CSMD2: variants seen among roughly 807,000 people sequenced by gnomAD.
The protein encoded by CSMD2 is CUB and Sushi multiple domains 2, also known as CUB and sushi domain-containing protein 2.
CSMD2 carries 130 observed loss-of-function variants against 398.5 expected under a neutral mutation model. That is an observed-to-expected ratio of 0.33 (90% confidence interval 0.28 to 0.38). The LOEUF (loss-of-function observed/expected upper bound fraction) is 0.38. CSMD2 is among the 10% of genes least tolerant of loss of function. CSMD2 has a pLI of 1.00. For synonymous variants in CSMD2, 1,828 were observed against 1,908.5 expected (o/e 0.96, Z 1.10); for missense variants, 3,829 against 4,764.9 (o/e 0.80, Z 5.78).
chr1:33,676,217 C>T (rs12402162), intron 25 of CSMD2, among the ~76,000 whole-genome samples: 19 of 152,342 alleles, frequency 1.2e-4, no homozygotes, highest in Admixed American at 2.6e-4. Flanking sequence ...ACCCCATCAT[C>T]TCAGCCCAAA....
chr1:33,901,657 T>C (rs1463788407), intron 5 of CSMD2, among the ~76,000 whole-genome samples: 2 of 152,204 alleles, frequency 1.3e-5, no homozygotes, highest in Non-Finnish European at 2.9e-5. Flanking sequence ...GGCTAAACTT[T>C]AGCAGCTCCT....
At chr1:33,969,142 C>A (rs1393198556) in intron 3 of CSMD2, among the ~76,000 whole-genome samples, 1 of 152,178 alleles carries the variant, frequency 6.6e-6, no homozygotes, top group African/African-American at 2.4e-5. Flanking sequence ...AAACAAGGAC[C>A]AAATCCTGGG....
At chr1:33,592,071 A>G in intron 44 of CSMD2, 1 of 346,896 alleles carries the variant, frequency 2.9e-6, no homozygotes, top group Non-Finnish European at 5.5e-6. Flanking sequence ...TTGGATGTAA[A>G]TAAATCAATT....
intron 6 of CSMD2, among the ~76,000 whole-genome samples, chr1:33,827,444 C>T (rs948734849): frequency 7.9e-5 from 12 of 152,296 alleles, no homozygotes; most frequent in African/African-American, 1.2e-4. Context: ...GGTATCTCTA[C>T]GACTTGCTCC....
chr1:33,963,195 T>G (rs577118876), intron 3 of CSMD2, among the ~76,000 whole-genome samples: 2 of 152,286 alleles, frequency 1.3e-5, no homozygotes, highest in South Asian at 4.1e-4. Context: ...CCTCACCTAA[T>G]CTGAATACCT....
At chr1:33,800,614 G>T (rs1018670132) in intron 10 of CSMD2, among the ~76,000 whole-genome samples, 2 of 152,122 alleles carry the variant, frequency 1.3e-5, no homozygotes, top group Admixed American at 1.3e-4. Context: ...AAGACCCTGA[G>T]TACATAGACT....
intron 5 of CSMD2, among the ~76,000 whole-genome samples, chr1:33,908,141 G>A (rs1425249868): frequency 6.6e-6 from 1 of 151,658 alleles, no homozygotes; most frequent in Non-Finnish European, 1.5e-5. Context: ...CAGACTAAGG[G>A]ATAGAACTGA....
intron 1 of CSMD2, among the ~76,000 whole-genome samples, chr1:34,129,365 T>A (rs1292451097): frequency 1.3e-5 from 2 of 152,172 alleles, no homozygotes; most frequent in Non-Finnish European, 1.5e-5. Context: ...AAAGAGCCCA[T>A]GATAGGCTGG....
chr1:34,079,593 G>T (rs144617142), intron 2 of CSMD2, among the ~76,000 whole-genome samples: 37 of 152,208 alleles, frequency 2.4e-4, no homozygotes, highest in African/African-American at 8.2e-4. Flanking sequence ...TATATAAAGA[G>T]ATGGAATATC....
rs115556733 is a variant in CSMD2, at chr1:34,106,963, C to T, written c.188-17770G>A. Among the ~76,000 whole-genome samples the T allele has an allele frequency of 9.8e-3, 1,492 of 152,300 alleles. 24 individuals carry two copies. Among genetic ancestry groups the T allele is most frequent in the African/African-American group, 0.034 (1,401 of 41,552 alleles). ...GCAGTTCATTTTCCATCATCCTAAG[C>T]CAACACTAGTCAAGGGTTGTTTATT... On this transcript the variant is annotated intron_variant, in intron 1 of 70. Transcript: ENST00000373381.
chr1:33,794,277 T>C (rs1372962809), intron 10 of CSMD2, among the ~76,000 whole-genome samples: 2 of 152,188 alleles, frequency 1.3e-5, no homozygotes, highest in African/African-American at 4.8e-5. Context: ...CACAGAAAGA[T>C]GCATCTCTGG....
chr1:33,772,562 C>T lies in CSMD2; in HGVS notation c.1846+7G>A, dbSNP rs936792230. ...ACCCTGGCGTGGCCTCCTCCCTGCT[C>T]ACTTACACACGCAGCCTGGCTTCTT... is the stretch of plus-strand genomic sequence containing the variant. On this transcript the variant is annotated splice_region_variant and intron_variant, in intron 13 of 70. Transcript: ENST00000373381. The T allele has an allele frequency of 4.3e-6, 7 of 1,610,054 alleles. No homozygotes were observed. Among genetic ancestry groups the T allele is most frequent in the Non-Finnish European group, 5.9e-6 (7 of 1,177,188 alleles).
chr1:33,869,004 G>A (rs1007904539), intron 5 of CSMD2: 16 of 152,248 alleles, frequency 1.1e-4, no homozygotes, highest in African/African-American at 3.6e-4. Context: ...TTGCAGAAGC[G>A]AGCTTGGCAT....
intron 12 of CSMD2, among the ~76,000 whole-genome samples, chr1:33,786,246 G>A (rs572523678): frequency 2.6e-5 from 4 of 152,070 alleles, no homozygotes; most frequent in Admixed American, 6.5e-5. Flanking sequence ...TATTCAAACC[G>A]TTGGCAAAAT....
At chr1:33,562,352 T>A (rs540211013) in intron 53 of CSMD2, among the ~76,000 whole-genome samples, 72 of 152,304 alleles carry the variant, frequency 4.7e-4, no homozygotes, top group African/African-American at 1.6e-3. Context: ...TCTCTTTAGG[T>A]CCCAGGCTTT....
intron 3 of CSMD2, among the ~76,000 whole-genome samples, chr1:34,019,634 T>C (rs965960550): frequency 1.3e-5 from 2 of 152,196 alleles, no homozygotes; most frequent in African/African-American, 4.8e-5. Context: ...CTCCTGTGAC[T>C]GGTTTCCTTC....
chr1:33,957,058 C>A (rs951262474), intron 3 of CSMD2, among the ~76,000 whole-genome samples: 1 of 152,022 alleles, frequency 6.6e-6, no homozygotes, highest in Non-Finnish European at 1.5e-5. Context: ...ATCACCTCCC[C>A]CGAGAGGCCT....
At chr1:33,736,173 A>C (rs904578701) in intron 15 of CSMD2, among the ~76,000 whole-genome samples, 4 of 152,212 alleles carry the variant, frequency 2.6e-5, no homozygotes, top group African/African-American at 9.6e-5. Context: ...TTCCCCCTCC[A>C]GGGACAGAAT....
chr1:34,043,921 T>C (rs1041216397), intron 2 of CSMD2, among the ~76,000 whole-genome samples: 42 of 152,230 alleles, frequency 2.8e-4, no homozygotes, highest in African/African-American at 9.6e-4. Flanking sequence ...ATATTTCATA[T>C]GTGTTGTCAC....
Sources: gnomAD v4.1 joint callset for allele counts (sites outside exome capture counted in the v4.1 genomes callset) on GRCh38, gnomAD v4.1.1 for gene constraint, MANE v1.5 for transcripts, NCBI Gene and HGNC (gene_info 2026-07-23, HGNC 2026-07-21) for gene names.